NCALD: variants seen among roughly 807,000 people sequenced by gnomAD.
The protein encoded by NCALD is neurocalcin delta, also known as neurocalcin-delta.
Under a neutral mutation model 18.6 loss-of-function variants are expected in NCALD, and 10 were observed. The observed-to-expected ratio is 0.54, with a 90% confidence interval of 0.33 to 0.91. NCALD has a LOEUF of 0.91. NCALD is among the 40% of genes least tolerant of loss of function. The pLI, the probability that NCALD is intolerant of heterozygous loss-of-function variation, is 0.03. For synonymous variants in NCALD, 88 were observed against 87.4 expected, an observed-to-expected ratio of 1.01 and a Z score of -0.04; for missense variants, 184 against 247.6, an observed-to-expected ratio of 0.74 and a Z score of 1.72.
chr8:101,994,010 T>G (rs1335835363), intron 2 of NCALD, among the ~76,000 whole-genome samples: 1 of 152,238 alleles, frequency 6.6e-6, no homozygotes, highest in Non-Finnish European at 1.5e-5. Flanking sequence ...TTTCTTTCTC[T>G]AACTTATGAG....
intron 1 of NCALD, among the ~76,000 whole-genome samples, chr8:102,027,765 A>G (rs988494566): frequency 6.6e-6 from 1 of 152,226 alleles, no homozygotes; most frequent in African/African-American, 2.4e-5. Flanking sequence ...ACTCACAGTT[A>G]TGCAGGGCTG....
intron 1 of NCALD, among the ~76,000 whole-genome samples, chr8:102,089,605 T>A (rs1301488669): frequency 2.0e-5 from 3 of 152,054 alleles, no homozygotes; most frequent in African/African-American, 7.2e-5. Flanking sequence ...ACTTTAGTAA[T>A]CTTTGGAAAA....
At chr8:101,839,196 C>T (rs1402371984) in intron 4 of NCALD, among the ~76,000 whole-genome samples, 2 of 152,074 alleles carry the variant, frequency 1.3e-5, no homozygotes, top group Admixed American at 6.6e-5. Context: ...ATTCCACACC[C>T]GACCTGTGAT....
chr8:102,083,505 C>CTGCTGT (rs1413089574), intron 1 of NCALD, among the ~76,000 whole-genome samples: 7 of 152,110 alleles, frequency 4.6e-5, no homozygotes, highest in Non-Finnish European at 1.0e-4. Flanking sequence ...CTAAAGGGTT[C>CTGCTGT]CTTTATTCTT....
chr8:102,013,657 A>G (rs528575303), intron 2 of NCALD, among the ~76,000 whole-genome samples: 1 of 151,346 alleles, frequency 6.6e-6, no homozygotes, highest in Non-Finnish European at 1.5e-5. Context: ...ATTGAACAAG[A>G]TATGTTAAAA....
chr8:101,876,821 G>A (rs1029145438), intron 4 of NCALD, among the ~76,000 whole-genome samples: 2 of 152,206 alleles, frequency 1.3e-5, no homozygotes, highest in African/African-American at 2.4e-5. Flanking sequence ...CTTAATAACT[G>A]CATTAGTAAC....
At chr8:101,945,266 C>T (rs529745276) in intron 2 of NCALD, among the ~76,000 whole-genome samples, 1 of 152,194 alleles carries the variant, frequency 6.6e-6, no homozygotes, top group East Asian at 1.9e-4. Context: ...TCATGCTAGG[C>T]TCTGGGGATA....
chr8:102,089,268 C>G (rs928364330), intron 1 of NCALD, among the ~76,000 whole-genome samples: 5 of 152,066 alleles, frequency 3.3e-5, no homozygotes, highest in Non-Finnish European at 7.4e-5. Flanking sequence ...GCGGCAGGCA[C>G]CTGTAATCCT....
chr8:101,755,458 T>C (rs1416574375), intron 1 of NCALD, among the ~76,000 whole-genome samples: 2 of 152,180 alleles, frequency 1.3e-5, no homozygotes, highest in Admixed American at 6.6e-5. Context: ...CCAACAGCCA[T>C]CAGGGTTCAT....
At chr8:101,945,711 G>A (rs1229776400) in intron 2 of NCALD, among the ~76,000 whole-genome samples, 1 of 152,192 alleles carries the variant, frequency 6.6e-6, no homozygotes, top group Non-Finnish European at 1.5e-5. Context: ...GATGTGTCAC[G>A]TGGAAGACAA....
At chr8:101,960,703 T>C (rs1166837935) in intron 2 of NCALD, among the ~76,000 whole-genome samples, 4 of 152,180 alleles carry the variant, frequency 2.6e-5, no homozygotes, top group African/African-American at 7.2e-5. Context: ...ATTTTGCTCC[T>C]TTGCTTTCAA....
In NCALD at chr8:101,695,358, T is replaced by C. The variant is rs184078721; in HGVS notation, c.379-2462A>G. Reference sequence around the variant, plus strand: ...GATTGTTCCTTCTCCAAGTCTGTTCTGGCCTCAGTAAGTTTGTCTCACGTG... The same window carrying C: ...GATTGTTCCTTCTCCAAGTCTGTTCCGGCCTCAGTAAGTTTGTCTCACGTG... On this transcript the variant is annotated intron_variant, in intron 2 of 3. Coordinates refer to ENST00000220931, the MANE Select transcript of NCALD (RefSeq NM_032041.3). Among the ~76,000 whole-genome samples the C allele has an allele frequency of 2.6e-5, 4 of 152,324 alleles. No individual in the cohort carries two copies. The East Asian group carries it at 5.8e-4, about 22-fold the overall frequency.
At chr8:101,710,771 G>T (rs1044615570) in intron 2 of NCALD, among the ~76,000 whole-genome samples, 1 of 152,236 alleles carries the variant, frequency 6.6e-6, no homozygotes, top group Non-Finnish European at 1.5e-5. Context: ...CCATTCAGGG[G>T]CTTATAGATA....
chr8:102,036,155 T>A (rs745729185), intron 1 of NCALD, among the ~76,000 whole-genome samples: 21,121 of 150,430 alleles, frequency 0.14, 1,799 homozygotes, highest in Non-Finnish European at 0.19. Flanking sequence ...ATTAATTAAT[T>A]AATTAAATTA....
At chr8:101,836,522 G>C (rs1814421402) in intron 4 of NCALD, among the ~76,000 whole-genome samples, 1 of 152,128 alleles carries the variant, frequency 6.6e-6, no homozygotes, top group Non-Finnish European at 1.5e-5. Context: ...GATTTGACTG[G>C]AGTAAATCAA....
chr8:101,811,678 T>C (rs1019617988), intron 4 of NCALD, among the ~76,000 whole-genome samples: 2 of 152,198 alleles, frequency 1.3e-5, no homozygotes, highest in East Asian at 3.9e-4. Flanking sequence ...CCAAGAGAAG[T>C]ACAGCAAAGT....
chr8:101,719,729 G>C lies in NCALD; in HGVS notation c.-19-81C>G, dbSNP rs1816263767. On this transcript the variant is annotated intron_variant, in intron 1 of 3. Transcript: ENST00000220931. ...TTTTATAATTTGTAATTGTTCCTTT[G>C]GGAAGAAGAAAAAACAAACAAATAA... 7 of 1,333,986 alleles carry C rather than the reference G, an allele frequency of 5.2e-6. No homozygotes were observed. In the South Asian group the frequency reaches 1.1e-4, roughly 20 times the overall value. 82.6% of individuals were successfully genotyped at this position (1,333,986 alleles called of 1,614,324 possible).
chr8:102,053,480 G>C (rs1823521966), intron 1 of NCALD, among the ~76,000 whole-genome samples: 1 of 152,160 alleles, frequency 6.6e-6, no homozygotes, highest in Non-Finnish European at 1.5e-5. Context: ...ACTGGATTCA[G>C]CATTTTCCGT....
At chr8:101,820,772 G>A (rs1462183376) in intron 4 of NCALD, among the ~76,000 whole-genome samples, 1 of 152,190 alleles carries the variant, frequency 6.6e-6, no homozygotes, top group East Asian at 1.9e-4. Flanking sequence ...GCCAGGATAT[G>A]CTGTCCCTTG....
Sources: gnomAD v4.1 joint callset for allele counts (sites outside exome capture counted in the v4.1 genomes callset) on GRCh38, gnomAD v4.1.1 for gene constraint, MANE v1.5 for transcripts, NCBI Gene and HGNC (gene_info 2026-07-23, HGNC 2026-07-21) for gene names.